Variants in HOMER1 observed in about 807,000 individuals in gnomAD.
HOMER1 encodes the protein homer scaffold protein 1.
Under a neutral mutation model 48.9 loss-of-function variants are expected in HOMER1, and 3 were observed. The ratio of observed to expected loss-of-function variants is 0.06; its 90% CI spans 0.03 to 0.16. The LOEUF (loss-of-function observed/expected upper bound fraction) is 0.16, where lower values mean the gene tolerates loss of function less well. Ranked by LOEUF, HOMER1 falls within the 10% of genes least tolerant of loss-of-function variation. The pLI is 1.00. For synonymous variants in HOMER1, 134 were observed against 146.4 expected, an observed-to-expected ratio of 0.92 and a Z score of 0.61; for missense variants, 247 against 411.4, an observed-to-expected ratio of 0.60 and a Z score of 3.46.
At chr5:79,490,984 G>A (rs1171549912) in intron 1 of HOMER1, among the ~76,000 whole-genome samples, 1 of 137,480 alleles carries the variant, frequency 7.3e-6, no homozygotes, top group Non-Finnish European at 1.5e-5. Flanking sequence ...ATAATACAAG[G>A]GAAAAAAAGG....
chr5:79,381,259 G>T (rs534764350), intron 8 of HOMER1, among the ~76,000 whole-genome samples: 14 of 152,252 alleles, frequency 9.2e-5, no homozygotes, highest in African/African-American at 3.1e-4. Flanking sequence ...TACAGCCAAA[G>T]AAATCATACA....
At chr5:79,421,576 GCA>G (rs140527114) in intron 5 of HOMER1, among the ~76,000 whole-genome samples, 1 of 150,588 alleles carries the variant, frequency 6.6e-6, no homozygotes, top group African/African-American at 2.4e-5. Flanking sequence ...AATACTATGA[GCA>G]CACACACACA....
chr5:79,423,780 C>A (rs527593018), intron 5 of HOMER1, among the ~76,000 whole-genome samples: 3 of 151,936 alleles, frequency 2.0e-5, no homozygotes, highest in Admixed American at 6.6e-5. Context: ...CCTGACCACC[C>A]CTTTTACTTA....
At chr5:79,408,143 T>C (rs562642968) in intron 5 of HOMER1, among the ~76,000 whole-genome samples, 348 of 152,240 alleles carry the variant, frequency 2.3e-3, no homozygotes, top group African/African-American at 8.0e-3. Flanking sequence ...CTACTATCCA[T>C]GGTTTCAGGC....
At chr5:79,435,812 C>T (rs952268791) in intron 5 of HOMER1, among the ~76,000 whole-genome samples, 1 of 148,596 alleles carries the variant, frequency 6.7e-6, no homozygotes, top group African/African-American at 2.5e-5. Flanking sequence ...GCCTGGGCAA[C>T]AGAGTGAGAC....
At chr5:79,484,088 A>C (rs1388830057) in intron 1 of HOMER1, among the ~76,000 whole-genome samples, 1 of 151,524 alleles carries the variant, frequency 6.6e-6, no homozygotes, top group Non-Finnish European at 1.5e-5. Flanking sequence ...CATTAGGATT[A>C]AATATATAAC....
At chr5:79,387,271 T>C (rs1335354420) in intron 8 of HOMER1, among the ~76,000 whole-genome samples, 2 of 151,850 alleles carry the variant, frequency 1.3e-5, no homozygotes, top group African/African-American at 4.8e-5. Flanking sequence ...GGACTATAGG[T>C]GCACATCACC....
intron 5 of HOMER1, among the ~76,000 whole-genome samples, chr5:79,418,094 A>C (rs1214521580): frequency 6.6e-6 from 1 of 152,216 alleles, no homozygotes; most frequent in Non-Finnish European, 1.5e-5. Context: ...GAATTATTTA[A>C]ATGTTTGTTA....
At chr5:79,397,484 A>T (rs1177095081) in intron 7 of HOMER1, 43 bp downstream of exon 7, 1 of 1,125,028 alleles carries the variant, frequency 8.9e-7, no homozygotes, top group Non-Finnish European at 1.3e-6. Context: ...ACTTTGTACA[A>T]ACATGTTAGC....
In HOMER1 at chr5:79,375,171, C is replaced by T. The variant is rs552996287; in HGVS notation, c.*838G>A. On this transcript the variant is annotated 3_prime_UTR_variant, in exon 9 of 9. Transcript: ENST00000334082. Reference sequence around the variant, plus strand: ...ATATACTTAACATTGCTAGACCAGCCTGTCAATGACGGGCTGCTGTATTTC... The same window carrying T: ...ATATACTTAACATTGCTAGACCAGCTTGTCAATGACGGGCTGCTGTATTTC... 4.6e-5 allele frequency: 7 copies of T among 152,172 alleles called. No homozygotes were observed. The highest frequency in any genetic ancestry group is 4.6e-4 in the Admixed American group (7 of 15,294). 9.4% of individuals were successfully genotyped at this position (152,172 alleles called of 1,614,324 possible).
At chr5:79,409,814 A>G (rs193196811) in intron 5 of HOMER1, among the ~76,000 whole-genome samples, 2 of 152,326 alleles carry the variant, frequency 1.3e-5, no homozygotes, top group East Asian at 3.9e-4. Flanking sequence ...TCAAAACCAC[A>G]ATGAGACACC....
chr5:79,435,311 A>G (rs1485456782), intron 5 of HOMER1, among the ~76,000 whole-genome samples: 1 of 152,230 alleles, frequency 6.6e-6, no homozygotes, highest in Non-Finnish European at 1.5e-5. Context: ...AATTTTAAGA[A>G]AAGAACAAAT....
chr5:79,475,580 C>T (rs995815328), intron 1 of HOMER1, among the ~76,000 whole-genome samples: 1 of 152,062 alleles, frequency 6.6e-6, no homozygotes, highest in Non-Finnish European at 1.5e-5. Context: ...TAAAATCTAG[C>T]CAATGTCTAA....
intron 5 of HOMER1, among the ~76,000 whole-genome samples, chr5:79,411,817 A>G (rs539154529): frequency 2.4e-3 from 359 of 152,288 alleles, no homozygotes; most frequent in African/African-American, 8.3e-3. Flanking sequence ...CTTTCAAAAA[A>G]CAATTTAAAA....
chr5:79,404,203 A>G (rs2404150), intron 5 of HOMER1, among the ~76,000 whole-genome samples: 73,706 of 152,130 alleles, frequency 0.48, 21,467 homozygotes, highest in African/African-American at 0.81. Context: ...AAGAAACAAC[A>G]ATTATTTACT....
At position 79,375,298 on chromosome 5, in the gene HOMER1, C is replaced by A. The variant is rs1318457122; in HGVS notation, c.*711G>T. ...TTAAAATGTGTAATAAAATGGGAGA[C>A]AATATCTTCTCATAAATACATGGAA... is the stretch of plus-strand genomic sequence containing the variant. On this transcript the variant is annotated 3_prime_UTR_variant, in exon 9 of 9. Transcript: ENST00000334082. 1 of 151,940 alleles carries A rather than the reference C, an allele frequency of 6.6e-6. No individual in the cohort carries two copies. The highest frequency in any genetic ancestry group is 1.5e-5 in the Non-Finnish European group (1 of 67,898). The allele number at this position is 151,940 out of a possible 1,614,324, so 9.4% of individuals were successfully genotyped here.
intron 5 of HOMER1, among the ~76,000 whole-genome samples, chr5:79,404,547 A>T (rs1366250946): frequency 6.6e-6 from 1 of 152,236 alleles, no homozygotes; most frequent in African/African-American, 2.4e-5. Flanking sequence ...AAAGTAAAAA[A>T]TTCAGCTTTG....
rs78046022 is a variant in HOMER1, at chr5:79,510,330, G to A, written c.5+2440C>T. The A allele has an allele frequency of 9.6e-4, 439 of 456,656 alleles. 1 individual carries two copies. Among genetic ancestry groups the A allele is most frequent in the African/African-American group, 8.4e-3 (418 of 49,658 alleles). The allele number at this position is 456,656 out of a possible 1,614,324, so 28.3% of individuals were successfully genotyped here. On this transcript the variant is annotated intron_variant, in intron 1 of 8. Transcript: ENST00000334082. ...CTAAGTGTCTAAATGCATGTTATGT[G>A]TGGTGCTAACTTTCCCACTTTAAAC...
chr5:79,445,528 T>C (rs1025409991), intron 4 of HOMER1, among the ~76,000 whole-genome samples: 1 of 152,238 alleles, frequency 6.6e-6, no homozygotes, highest in Admixed American at 6.5e-5. Flanking sequence ...AAAGGTCCTT[T>C]GTTAAAAGAA....
Sources: allele counts gnomAD v4.1 joint callset (sites outside exome capture counted in the v4.1 genomes callset), GRCh38; gene constraint gnomAD v4.1.1; transcripts MANE v1.5; gene names NCBI Gene and HGNC (gene_info 2026-07-23, HGNC 2026-07-21).